Variants in QSOX2 observed in about 807,000 individuals in gnomAD.
QSOX2 encodes the protein quiescin sulfhydryl oxidase 2.
A neutral mutation model predicts 61.7 loss-of-function variants in QSOX2; 46 were observed. That is an observed-to-expected ratio of 0.75 (90% CI 0.59 to 0.95). The LOEUF is 0.95. Among genes scored for constraint, QSOX2 ranks in the 40% least tolerant of loss-of-function variants. The probability of loss-of-function intolerance (pLI) is 0.00; values close to 1 mark genes in which losing one functional copy is unlikely to be tolerated. For synonymous variants in QSOX2, 383 were observed against 388.4 expected (o/e 0.99, Z 0.16); for missense variants, 879 against 918.9 (o/e 0.96, Z 0.56).
intron 1 of QSOX2, among the ~76,000 whole-genome samples, chr9:136,244,360 AGAG>A (rs1564299984): frequency 6.6e-6 from 1 of 152,254 alleles, no homozygotes; most frequent in Non-Finnish European, 1.5e-5. Flanking sequence ...CAGCTCTCTA[AGAG>A]GAGAATGCAT....
In QSOX2 at chr9:136,211,277, G is replaced by A. The variant is rs781247114; in HGVS notation, c.1536C>T (p.Asn512=). Residue 512 remains asparagine (N), a synonymous_variant, in exon 11 of 12, where the codon AAC becomes AAT. Coordinates refer to ENST00000358701, the MANE Select transcript of QSOX2 (RefSeq NM_181701.4). ...GGGGCTTCTCACCTGCCAGGCGGCC[G>A]TTCACCATATTATGCTTCTTCCACA... ...LWLWKKHNMV[N]GRLAGHLSED... The A allele has an allele frequency of 1.5e-4, 242 of 1,613,874 alleles. No homozygotes were observed. Among genetic ancestry groups the A allele is most frequent in the South Asian group, 3.7e-4 (34 of 91,086 alleles).
chr9:136,231,708 C>T (rs1588639163), intron 1 of QSOX2, among the ~76,000 whole-genome samples: 1 of 152,262 alleles, frequency 6.6e-6, no homozygotes, highest in East Asian at 1.9e-4. Flanking sequence ...CGTGCAGTTT[C>T]TTCAGCCCTT....
intron 11 of QSOX2, chr9:136,210,374 G>A: frequency 5.1e-6 from 5 of 985,474 alleles, no homozygotes; most frequent in Non-Finnish European, 6.0e-6. Context: ...GGGGTAGTGG[G>A]GGCACATGCG....
intron 9 of QSOX2, among the ~76,000 whole-genome samples, chr9:136,215,911 G>A (rs998624770): frequency 2.0e-4 from 30 of 152,336 alleles, no homozygotes; most frequent in Non-Finnish European, 1.0e-4. Flanking sequence ...CCATGACCTC[G>A]AGCTCGGAGT....
rs370694681 is a variant in QSOX2, at chr9:136,211,576, A to G, written c.1361-124T>C. ...TCGGGAAGCCACCTCATGTCTCCCC[A>G]GGGGCCTCAGGCTGTGGGCACAGAC... On this transcript the variant is annotated intron_variant, in intron 10 of 11. Coordinates refer to ENST00000358701, the MANE Select transcript of QSOX2 (RefSeq NM_181701.4). The G allele has an allele frequency of 6.7e-6, 6 of 891,830 alleles. No homozygotes were observed. In the African/African-American group the frequency reaches 1.0e-4, roughly 15 times the overall value. The allele number at this position is 891,830 out of a possible 1,614,324, so 55.2% of individuals were successfully genotyped here. A position where few individuals can be genotyped will look rare whatever the true frequency, so the allele number is the denominator to read the frequency against.
chr9:136,229,615 T>C (rs1347235251), intron 1 of QSOX2, among the ~76,000 whole-genome samples: 1 of 152,084 alleles, frequency 6.6e-6, no homozygotes, highest in Non-Finnish European at 1.5e-5. Context: ...CCGTGTGACA[T>C]CATCAAGCCG....
At chr9:136,228,197 C>G (rs7861829) in intron 1 of QSOX2, among the ~76,000 whole-genome samples, 45,221 of 151,922 alleles carry the variant, frequency 0.3, 6,685 homozygotes, top group Admixed American at 0.35. Flanking sequence ...ACGCCTCTCT[C>G]CTTAGTGATC....
chr9:136,218,150 G>C (rs560660228), intron 8 of QSOX2, among the ~76,000 whole-genome samples: 3 of 152,142 alleles, frequency 2.0e-5, no homozygotes, highest in African/African-American at 7.2e-5. Context: ...AGCTCTGTTG[G>C]GTGGCATCTC....
chr9:136,210,498 C>T lies in QSOX2; in HGVS notation c.1549+766G>A, dbSNP rs144274021. 1.4e-4 allele frequency: 137 copies of T among 984,934 alleles called. 3 individuals carry two copies. The East Asian group carries it at 9.8e-3, about 70-fold the overall frequency. The allele number at this position is 984,934 out of a possible 1,614,324, so 61.0% of individuals were successfully genotyped here. On this transcript the variant is annotated intron_variant, in intron 11 of 11. Transcript: ENST00000358701. ...GGGAAAGCACAGGGAGCTCTGTGGG[C>T]GGCGGCGATGCAGAGGCTGCCAGGG... is the stretch of plus-strand genomic sequence containing the variant.
chr9:136,236,043 G>A (rs753067892), intron 1 of QSOX2, among the ~76,000 whole-genome samples: 1 of 152,204 alleles, frequency 6.6e-6, no homozygotes, highest in Non-Finnish European at 1.5e-5. Flanking sequence ...CTGGCAGTCA[G>A]GGTCAGGGCC....
chr9:136,240,488 C>G (rs1564298913), intron 1 of QSOX2, among the ~76,000 whole-genome samples: 1 of 152,220 alleles, frequency 6.6e-6, no homozygotes, highest in Non-Finnish European at 1.5e-5. Flanking sequence ...TGCAGCCTCT[C>G]CTTCCTGAGT....
At chr9:136,218,570 A>G (rs974467593) in intron 8 of QSOX2, 109 bp downstream of exon 8, 1 of 1,314,176 alleles carries the variant, frequency 7.6e-7, no homozygotes, top group Non-Finnish European at 1.0e-6. Context: ...CAAGGTGGAG[A>G]GCACCTCAGC....
At chr9:136,238,556 G>C (rs1351463092) in intron 1 of QSOX2, among the ~76,000 whole-genome samples, 1 of 152,174 alleles carries the variant, frequency 6.6e-6, no homozygotes, top group Non-Finnish European at 1.5e-5. Flanking sequence ...CCCTGAGCAA[G>C]CCCGGCGGGC....
At chr9:136,239,235 T>C (rs1830415608) in intron 1 of QSOX2, among the ~76,000 whole-genome samples, 1 of 152,176 alleles carries the variant, frequency 6.6e-6, no homozygotes, top group Non-Finnish European at 1.5e-5. Context: ...CAGGCTGGAG[T>C]ACAGGAGAGT....
In QSOX2 at chr9:136,215,407, G is replaced by A; in HGVS notation, c.1210-103C>T. 2.7e-6 allele frequency: 2 copies of A among 735,422 alleles called. 1 individual carries two copies. Among genetic ancestry groups the A allele is most frequent in the Admixed American group, 6.3e-5 (2 of 31,954 alleles). 45.6% of individuals were successfully genotyped at this position (735,422 alleles called of 1,614,324 possible). A position where few individuals can be genotyped will look rare whatever the true frequency, so the allele number is the denominator to read the frequency against. The stretch of plus-strand genomic sequence containing the variant: ...CTTGACTGGGGGGGGTGGATAATGG[G>A]GGTGTGGTTTACTGAAGCTGTATCA... On this transcript the variant is annotated intron_variant, in intron 9 of 11. Transcript: ENST00000358701.
At chr9:136,241,608 G>A (rs1830433900) in intron 1 of QSOX2, among the ~76,000 whole-genome samples, 2 of 152,138 alleles carry the variant, frequency 1.3e-5, no homozygotes, top group Non-Finnish European at 2.9e-5. Context: ...ACCCACACCT[G>A]GACACCCATC....
rs1400855103 is a variant in QSOX2, at chr9:136,208,590, A to G, written c.*138T>C. 2 of 1,009,606 alleles carry G rather than the reference A, an allele frequency of 2.0e-6. No individual in the cohort carries two copies. Among genetic ancestry groups the G allele is most frequent in the Non-Finnish European group, 1.4e-6 (1 of 722,468 alleles). The allele number at this position is 1,009,606 out of a possible 1,614,324, so 62.5% of individuals were successfully genotyped here. On this transcript the variant is annotated 3_prime_UTR_variant, in exon 12 of 12. Coordinates refer to ENST00000358701, the MANE Select transcript of QSOX2 (RefSeq NM_181701.4). ...AGCGTTTGTAAAACCAGGACTTTGA[A>G]GCCAAAAGGTGCCATCCGATGTGAA... is the stretch of plus-strand genomic sequence containing the variant.
At chr9:136,210,722 C>T in intron 11 of QSOX2, 1 of 985,124 alleles carries the variant, frequency 1.0e-6, no homozygotes, top group South Asian at 4.7e-5. Context: ...CTATTCATCT[C>T]TATTAAGATT....
chr9:136,213,691 T>TA lies in QSOX2; in HGVS notation c.1360+1462_1360+1463insT, dbSNP rs1831876435. ...TCTCCCATTAACAGGTGGAATCTAT[T>TA]TCTCTCACCACGAATTTAGGCTGGG... On this transcript the variant is annotated intron_variant, in intron 10 of 11. Transcript: ENST00000358701. Among the ~76,000 whole-genome samples, 6 of 151,978 alleles carry TA rather than the reference T, an allele frequency of 3.9e-5. No homozygotes were observed. The South Asian group carries it at 1.2e-3, about 32-fold the overall frequency.
Sources: allele counts gnomAD v4.1 joint callset (sites outside exome capture counted in the v4.1 genomes callset), GRCh38; gene constraint gnomAD v4.1.1; transcripts MANE v1.5; gene names NCBI Gene and HGNC (gene_info 2026-07-23, HGNC 2026-07-21).